Variants in SLIT3 observed in about 807,000 individuals in gnomAD.
SLIT3 encodes slit homolog 3 protein.
In SLIT3, 68 loss-of-function variants were observed where a neutral mutation model predicts 184.0. That is an observed-to-expected ratio of 0.37 (90% CI 0.30 to 0.45). The LOEUF (loss-of-function observed/expected upper bound fraction) is 0.45, where lower values mean the gene tolerates loss of function less well. Ranked by LOEUF, SLIT3 falls within the 20% of genes least tolerant of loss-of-function variation. SLIT3 has a pLI of 1.00. For synonymous variants in SLIT3, 831 were observed against 828.6 expected, an observed-to-expected ratio of 1.00 and a Z score of -0.05; for missense variants, 1,707 against 2,026.0, an observed-to-expected ratio of 0.84 and a Z score of 3.02.
intron 4 of SLIT3, among the ~76,000 whole-genome samples, chr5:168,907,965 T>TAGAGAG (rs1315715773): frequency 4.4e-4 from 35 of 80,080 alleles, no homozygotes; most frequent in Non-Finnish European, 6.5e-4. Flanking sequence ...TATATATATA[T>TAGAGAG]ATATATATAT....
chr5:168,966,980 C>T (rs1225276184), intron 4 of SLIT3, among the ~76,000 whole-genome samples: 1 of 152,004 alleles, frequency 6.6e-6, no homozygotes, highest in African/African-American at 2.4e-5. Flanking sequence ...TATGACAAAG[C>T]CCCCCAAAAA....
chr5:169,182,066 T>C (rs942019140), intron 4 of SLIT3, among the ~76,000 whole-genome samples: 1 of 152,146 alleles, frequency 6.6e-6, no homozygotes, highest in African/African-American at 2.4e-5. Context: ...GATATTCCAC[T>C]TGGCCAACCG....
intron 20 of SLIT3, among the ~76,000 whole-genome samples, chr5:168,733,815 A>G (rs1581017482): frequency 1.3e-5 from 2 of 152,296 alleles, no homozygotes; most frequent in East Asian, 3.9e-4. Flanking sequence ...AAAAAAAAGA[A>G]AATGTGGAAT....
intron 4 of SLIT3, among the ~76,000 whole-genome samples, chr5:169,106,641 C>G (rs1378016343): frequency 6.6e-6 from 1 of 152,182 alleles, no homozygotes; most frequent in Non-Finnish European, 1.5e-5. Context: ...GCTTCCCCAT[C>G]CCTGATGCTA....
intron 4 of SLIT3, among the ~76,000 whole-genome samples, chr5:169,062,196 A>T (rs1490608046): frequency 6.6e-6 from 1 of 152,176 alleles, no homozygotes; most frequent in Non-Finnish European, 1.5e-5. Flanking sequence ...CAAAAAAATA[A>T]ATACATAAAT....
At chr5:168,792,456 G>A (rs1221207957) in intron 10 of SLIT3, 1 of 152,216 alleles carries the variant, frequency 6.6e-6, no homozygotes, top group Non-Finnish European at 1.5e-5. Context: ...CAATGTTTTA[G>A]AAAATGGTCT....
At chr5:168,989,075 G>A (rs1018601656) in intron 4 of SLIT3, among the ~76,000 whole-genome samples, 3 of 152,196 alleles carry the variant, frequency 2.0e-5, no homozygotes, top group Non-Finnish European at 4.4e-5. Context: ...CTGAATTCAA[G>A]TATTTTATTA....
chr5:168,973,336 C>T (rs1022054606), intron 4 of SLIT3, among the ~76,000 whole-genome samples: 3 of 152,136 alleles, frequency 2.0e-5, no homozygotes, highest in Non-Finnish European at 4.4e-5. Flanking sequence ...CAACCTCTGC[C>T]TCCCGGGTTC....
intron 5 of SLIT3, among the ~76,000 whole-genome samples, chr5:168,862,400 G>A (rs972301015): frequency 2.6e-5 from 4 of 152,162 alleles, no homozygotes; most frequent in Non-Finnish European, 5.9e-5. Flanking sequence ...CAGATTAAAG[G>A]GAATGGGGCC....
chr5:169,031,081 T>A (rs1233463335), intron 4 of SLIT3, among the ~76,000 whole-genome samples: 3 of 152,158 alleles, frequency 2.0e-5, no homozygotes, highest in African/African-American at 7.2e-5. Context: ...GTATCCAGCA[T>A]AGTAGTCGTA....
Position 168,753,109 on chromosome 5 carries a change from AG to A in SLIT3, c.1830-12del. On this transcript the variant is annotated splice_polypyrimidine_tract_variant and intron_variant, in intron 17 of 35. Transcript: ENST00000519560. ...TTACTCCTCAGCATCCTACAGGGAGAGGGGTGGGGATGAGAGAGCACAGGCA... is the reference window on the plus strand; with the variant it reads ...TTACTCCTCAGCATCCTACAGGGAGAGGGTGGGGATGAGAGAGCACAGGCA... The A allele has an allele frequency of 6.2e-7, 1 of 1,613,684 alleles. No individual in the cohort carries two copies. The highest frequency in any genetic ancestry group is 1.7e-4 in the Middle Eastern group (1 of 6,058).
At chr5:169,164,663 C>T (rs1206083156) in intron 4 of SLIT3, among the ~76,000 whole-genome samples, 2 of 152,228 alleles carry the variant, frequency 1.3e-5, no homozygotes, top group Admixed American at 6.5e-5. Context: ...TGACAGTGCC[C>T]TTTCCTGCTG....
At chr5:169,150,350 G>A (rs1040875162) in intron 4 of SLIT3, among the ~76,000 whole-genome samples, 4 of 152,098 alleles carry the variant, frequency 2.6e-5, no homozygotes, top group African/African-American at 9.7e-5. Flanking sequence ...GGCTAATGAG[G>A]TTAAATACAA....
chr5:168,711,444 C>T (rs1233485693), intron 24 of SLIT3, among the ~76,000 whole-genome samples: 2 of 152,082 alleles, frequency 1.3e-5, no homozygotes, highest in Non-Finnish European at 2.9e-5. Flanking sequence ...TTCTGAAACC[C>T]AGCAACCTAG....
At chr5:169,235,994 CTG>C (rs1164202547) in intron 3 of SLIT3, among the ~76,000 whole-genome samples, 2 of 152,208 alleles carry the variant, frequency 1.3e-5, no homozygotes, top group African/African-American at 2.4e-5. Flanking sequence ...GGAAGTGTCT[CTG>C]TGAAGTCCAC....
At chr5:168,676,556 A>G (rs1425226969) in intron 32 of SLIT3, among the ~76,000 whole-genome samples, 1 of 152,204 alleles carries the variant, frequency 6.6e-6, no homozygotes, top group Non-Finnish European at 1.5e-5. Context: ...TGGGCTGGTA[A>G]AAGCAGGAAG....
chr5:168,976,476 A>G (rs890819426), intron 4 of SLIT3, among the ~76,000 whole-genome samples: 2 of 152,190 alleles, frequency 1.3e-5, no homozygotes, highest in African/African-American at 4.8e-5. Flanking sequence ...CCATCATTTA[A>G]AATTCCTGCA....
rs1164171092 is a variant in SLIT3 at position 169,057,158 on chromosome 5, A to G, written c.413+136321T>C. 2.0e-5 allele frequency among the ~76,000 whole-genome samples: 3 copies of G among 152,364 alleles called. No homozygotes were observed. In the East Asian group the frequency reaches 5.8e-4, roughly 29 times the overall value. ...AGAAAGGAATGGGTAGGTAGCTCCC[A>G]CATGTGACCTAGGGAAGTTGAGAAG... is the stretch of plus-strand genomic sequence containing the variant. On this transcript the variant is annotated intron_variant, in intron 4 of 35. Transcript: ENST00000519560.
At chr5:169,004,702 T>A (rs540430670) in intron 4 of SLIT3, among the ~76,000 whole-genome samples, 63 of 150,946 alleles carry the variant, frequency 4.2e-4, no homozygotes, top group African/African-American at 1.5e-3. Flanking sequence ...TATTTGGAGG[T>A]GGAGCCTTTG....
Sources: allele counts gnomAD v4.1 joint callset (sites outside exome capture counted in the v4.1 genomes callset), GRCh38; gene constraint gnomAD v4.1.1; transcripts MANE v1.5; gene names NCBI Gene and HGNC (gene_info 2026-07-23, HGNC 2026-07-21).